IL3RA: variants seen among roughly 807,000 people sequenced by gnomAD.
The protein encoded by IL3RA is interleukin 3 receptor subunit alpha, also known as interleukin-3 receptor subunit alpha.
Under a neutral mutation model 52.3 loss-of-function variants are expected in IL3RA, and 73 were observed. The observed-to-expected ratio is 1.40, with a 90% confidence interval of 1.16 to 1.70. IL3RA has a LOEUF of 1.70. Among genes scored for constraint, IL3RA ranks in the 40% most tolerant of loss-of-function variants. The pLI is 0.00. For missense variants in IL3RA, 664 were observed against 504.4 expected (o/e 1.32, Z -3.03); for synonymous variants, 260 against 194.0 (o/e 1.34, Z -2.83).
At chrX:1,337,911 C>T (rs765604721) in intron 1 of IL3RA, among the ~76,000 whole-genome samples, 1 of 148,990 alleles carries the variant, frequency 6.7e-6, no homozygotes, top group South Asian at 2.1e-4. Context: ...TAATGTGGTC[C>T]AGCCACACAG....
intron 2 of IL3RA, among the ~76,000 whole-genome samples, chrX:1,344,798 TAAAG>T (rs1468764849): frequency 2.0e-5 from 3 of 149,390 alleles, no homozygotes; most frequent in African/African-American, 7.4e-5. Flanking sequence ...TTTAAAAAAA[TAAAG>T]AACTCGACCT....
intron 9 of IL3RA, 118 bp downstream of exon 9, chrX:1,365,370 G>C (rs1235630690): frequency 1.8e-4 from 57 of 318,462 alleles, no homozygotes; most frequent in African/African-American, 1.6e-3. Context: ...GGTGAGCCGG[G>C]TGCGCGGGGT....
In IL3RA at chrX:1,378,653, C is replaced by T. The variant is rs376810188; in HGVS notation, c.875-6C>T. On this transcript the variant is annotated splice_polypyrimidine_tract_variant and splice_region_variant and intron_variant, in intron 9 of 11. Coordinates refer to ENST00000331035, the MANE Select transcript of IL3RA (RefSeq NM_002183.4). ...GGTCTGTGACCCTCTCACCCTTTAC[C>T]CCTAGAGTGCGACCAGGAGGAGGGC... The T allele has an allele frequency of 6.8e-5, 109 of 1,611,450 alleles. No homozygotes were observed. In the Middle Eastern group the frequency reaches 9.7e-4, roughly 14 times the overall value.
chrX:1,359,846 C>A (rs58523724), intron 8 of IL3RA, among the ~76,000 whole-genome samples: 3 of 149,022 alleles, frequency 2.0e-5, no homozygotes, highest in African/African-American at 7.4e-5. Context: ...CTGTCTCCCC[C>A]CTCCCCATCT....
At chrX:1,380,944 T>G in intron 10 of IL3RA, 79 bp from the exon 11 acceptor site, 1 of 1,234,594 alleles carries the variant, frequency 8.1e-7, no homozygotes, top group Non-Finnish European at 1.2e-6. Flanking sequence ...TGGCACTGTC[T>G]GTCCTGGACA....
chrX:1,351,485 C>T (rs1236813317), intron 4 of IL3RA, among the ~76,000 whole-genome samples: 4 of 150,748 alleles, frequency 2.7e-5, no homozygotes, highest in Non-Finnish European at 5.9e-5. Context: ...CCCGACATCA[C>T]GCCCGGCTAA....
intron 1 of IL3RA, among the ~76,000 whole-genome samples, chrX:1,341,010 G>A (rs1384195508): frequency 2.0e-5 from 3 of 151,864 alleles, no homozygotes; most frequent in African/African-American, 4.8e-5. Context: ...CCAGCTACTC[G>A]GGAGGCTGAG....
chrX:1,345,474 T>C (rs746421520), intron 3 of IL3RA, 40 bp downstream of exon 3: 1 of 1,304,592 alleles, frequency 7.7e-7, no homozygotes, highest in South Asian at 1.6e-5. Context: ...TTTTATTTTA[T>C]TTATTTATGT....
At chrX:1,377,247 T>C (rs1435153163) in intron 9 of IL3RA, among the ~76,000 whole-genome samples, 1 of 152,180 alleles carries the variant, frequency 6.6e-6, no homozygotes, top group Non-Finnish European at 1.5e-5. Context: ...TTTCTTTTTT[T>C]TCCTCTTTTT....
intron 9 of IL3RA, among the ~76,000 whole-genome samples, 189 bp from the exon 10 acceptor site, chrX:1,378,470 A>C (rs1310847377): frequency 6.6e-6 from 1 of 152,132 alleles, no homozygotes; most frequent in Non-Finnish European, 1.5e-5. Context: ...CCTGGTACTC[A>C]GGTGGCCTGC....
rs867554209 is a variant in IL3RA at position 1,365,607 on chromosome X, A to C, written c.874+355A>C. Among the ~76,000 whole-genome samples the C allele has an allele frequency of 3.6e-3, 65 of 18,028 alleles. 1 individual carries two copies. The highest frequency in any genetic ancestry group is 0.018 in the African/African-American group (16 of 910). 11.8% of individuals were successfully genotyped at this position (18,028 alleles called of 152,430 possible). Reference sequence around the variant, plus strand: ...CCGGGTGCGCGGGGTGAGCGGGGTGAGCGGGGTGAGCCGGGTGAGCCGGGT... The same window carrying C: ...CCGGGTGCGCGGGGTGAGCGGGGTGCGCGGGGTGAGCCGGGTGAGCCGGGT... On this transcript the variant is annotated intron_variant, in intron 9 of 11. Coordinates refer to ENST00000331035, the MANE Select transcript of IL3RA (RefSeq NM_002183.4).
intron 8 of IL3RA, among the ~76,000 whole-genome samples, chrX:1,361,946 T>C (rs1195442584): frequency 6.6e-6 from 1 of 152,068 alleles, no homozygotes; most frequent in South Asian, 2.1e-4. Context: ...AGATGAGATT[T>C]GGGTGGGGAC....
At chrX:1,345,241 A>AAC in intron 2 of IL3RA, 75 bp from the exon 3 acceptor site, 1 of 951,956 alleles carries the variant, frequency 1.1e-6, no homozygotes. Flanking sequence ...GGCAAAAAAA[A>AAC]AAAACCATAC....
intron 2 of IL3RA, among the ~76,000 whole-genome samples, chrX:1,344,169 C>CA (rs1215544411): frequency 6.6e-6 from 1 of 152,108 alleles, no homozygotes; most frequent in Non-Finnish European, 1.5e-5. Context: ...CTCAGTAACT[C>CA]ACGTCTGTGA....
At chrX:1,351,723 G>T (rs1459899001) in intron 4 of IL3RA, among the ~76,000 whole-genome samples, 1 of 149,640 alleles carries the variant, frequency 6.7e-6, no homozygotes, top group Non-Finnish European at 1.5e-5. Context: ...CTGCCTCCTG[G>T]GTTCAAGAAA....
chrX:1,345,114 G>C (rs1293926705), intron 2 of IL3RA, among the ~76,000 whole-genome samples: 1 of 151,288 alleles, frequency 6.6e-6, no homozygotes, highest in East Asian at 1.9e-4. Context: ...CTTGCAGTGA[G>C]CTGAGATCGT....
intron 2 of IL3RA, 130 bp from the exon 3 acceptor site, chrX:1,345,186 T>G (rs2085685468): frequency 1.8e-6 from 1 of 551,542 alleles, no homozygotes; most frequent in Non-Finnish European, 3.2e-6. Context: ...TTAAAAAAAT[T>G]AAATAAAAGA....
chrX:1,360,139 G>A (rs7392215), intron 8 of IL3RA, among the ~76,000 whole-genome samples: 74,840 of 119,898 alleles, frequency 0.62, 22,453 homozygotes, highest in Middle Eastern at 0.76. Flanking sequence ...CTCCGTGTCT[G>A]TCTCTGTGTC....
chrX:1,381,182 T>G (rs1298175730), intron 11 of IL3RA, 78 bp downstream of exon 11: 1 of 1,283,560 alleles, frequency 7.8e-7, no homozygotes, highest in African/African-American at 1.5e-5. Flanking sequence ...GCGGACCACT[T>G]GAGGCCAGGA....
Sources: allele counts gnomAD v4.1 joint callset (sites outside exome capture counted in the v4.1 genomes callset), GRCh38; gene constraint gnomAD v4.1.1; transcripts MANE v1.5; gene names NCBI Gene and HGNC (gene_info 2026-07-23, HGNC 2026-07-21).